Variants in CDH13 observed in about 807,000 individuals in gnomAD.
The protein encoded by CDH13 is cadherin-13.
A neutral mutation model predicts 63.8 loss-of-function variants in CDH13; 24 were observed. The ratio of observed to expected loss-of-function variants is 0.38; its 90% CI spans 0.27 to 0.53. The LOEUF is 0.53. CDH13 is among the 20% of genes least tolerant of loss of function. The pLI, the probability that CDH13 is intolerant of heterozygous loss-of-function variation, is 0.85. For synonymous variants in CDH13, 503 were observed against 355.3 expected, an observed-to-expected ratio of 1.42 and a Z score of -4.67; for missense variants, 1,049 against 903.1, an observed-to-expected ratio of 1.16 and a Z score of -2.07.
intron 11 of CDH13, among the ~76,000 whole-genome samples, chr16:83,778,886 T>G (rs1915308429): frequency 6.6e-6 from 1 of 152,224 alleles, no homozygotes. Flanking sequence ...AGAGTAGAGC[T>G]ACAGCAGTGA....
At position 82,848,490 on chromosome 16, in the gene CDH13, G is replaced by A. The variant is rs139298156; in HGVS notation, c.46-9872G>A. ...TGTCTCATGTTTTGATAATTCTCCC[G>A]GTTTCTTTCCTTTTTTTAAATTATT... On this transcript the variant is annotated intron_variant, in intron 1 of 13. Coordinates refer to ENST00000567109, the MANE Select transcript of CDH13 (RefSeq NM_001257.5). Among the ~76,000 whole-genome samples the A allele has an allele frequency of 1.1e-4, 16 of 151,812 alleles. No homozygotes were observed. In the East Asian group the frequency reaches 1.4e-3, roughly 13 times the overall value.
intron 7 of CDH13, among the ~76,000 whole-genome samples, chr16:83,587,635 C>G (rs1199173344): frequency 1.3e-5 from 2 of 152,120 alleles, no homozygotes; most frequent in African/African-American, 4.8e-5. Flanking sequence ...AATCACCTTG[C>G]TATTTTATGA....
At chr16:82,911,372 A>T (rs1318014674) in intron 2 of CDH13, among the ~76,000 whole-genome samples, 1 of 152,168 alleles carries the variant, frequency 6.6e-6, no homozygotes, top group Non-Finnish European at 1.5e-5. Flanking sequence ...CTCTCCCCTC[A>T]TCACAAAACT....
At chr16:83,401,353 A>G (rs1426735073) in intron 6 of CDH13, among the ~76,000 whole-genome samples, 3 of 150,210 alleles carry the variant, frequency 2.0e-5, no homozygotes, top group Non-Finnish European at 3.0e-5. Context: ...AAAAAAAAAG[A>G]AAAAAGATTA....
At chr16:82,790,349 T>A (rs1458277898) in intron 1 of CDH13, among the ~76,000 whole-genome samples, 2 of 152,080 alleles carry the variant, frequency 1.3e-5, no homozygotes, top group South Asian at 4.2e-4. Context: ...GCAGGAGAAT[T>A]GCGTGAACCC....
At chr16:82,814,333 A>G (rs111633138) in intron 1 of CDH13, among the ~76,000 whole-genome samples, 14 of 152,102 alleles carry the variant, frequency 9.2e-5, no homozygotes, top group Non-Finnish European at 1.9e-4. Flanking sequence ...TACCCCCAGG[A>G]TGGGTGCTGG....
intron 8 of CDH13, among the ~76,000 whole-genome samples, chr16:83,626,425 C>G (rs893948019): frequency 6.6e-6 from 1 of 152,156 alleles, no homozygotes; most frequent in African/African-American, 2.4e-5. Flanking sequence ...GCGCTCAGGT[C>G]ATTCTGCAGG....
intron 7 of CDH13, among the ~76,000 whole-genome samples, chr16:83,575,251 G>A (rs1350673359): frequency 6.6e-6 from 1 of 152,162 alleles, no homozygotes; most frequent in Non-Finnish European, 1.5e-5. Flanking sequence ...GGACAACTCT[G>A]TAAATATGCT....
intron 6 of CDH13, among the ~76,000 whole-genome samples, chr16:83,454,382 A>G (rs2072965341): frequency 6.6e-6 from 1 of 152,204 alleles, no homozygotes; most frequent in Admixed American, 6.5e-5. Flanking sequence ...AATTCAGAAA[A>G]TACCTTTTCA....
At chr16:83,181,237 C>T (rs148399298) in intron 4 of CDH13, 87 of 356,950 alleles carry the variant, frequency 2.4e-4, no homozygotes, top group African/African-American at 1.7e-3. Flanking sequence ...TCTTCTCAGT[C>T]CAAGGCAGGT....
At chr16:83,148,881 A>C (rs187583846) in intron 4 of CDH13, among the ~76,000 whole-genome samples, 167 of 152,298 alleles carry the variant, frequency 1.1e-3, no homozygotes, top group African/African-American at 3.7e-3. Context: ...AAAAAAAGGA[A>C]TTCTATCCTC....
intron 6 of CDH13, among the ~76,000 whole-genome samples, chr16:83,449,303 A>T (rs548113263): frequency 4.9e-4 from 74 of 152,260 alleles, no homozygotes; most frequent in African/African-American, 1.6e-3. Context: ...AACGAAGAGG[A>T]TCATGGTAAA....
intron 6 of CDH13, among the ~76,000 whole-genome samples, chr16:83,391,161 T>A (rs1292314195): frequency 6.6e-6 from 1 of 151,774 alleles, no homozygotes; most frequent in Non-Finnish European, 1.5e-5. Context: ...GCCAAGATGC[T>A]CTTTAGTATC....
intron 6 of CDH13, among the ~76,000 whole-genome samples, chr16:83,406,226 G>A (rs753741726): frequency 8.5e-5 from 13 of 152,256 alleles, no homozygotes; most frequent in East Asian, 1.9e-4. Context: ...CTGCGGTAGC[G>A]CCCGGTGGTA....
At chr16:83,646,269 G>T (rs577263438) in intron 8 of CDH13, among the ~76,000 whole-genome samples, 1 of 152,148 alleles carries the variant, frequency 6.6e-6, no homozygotes, top group South Asian at 2.1e-4. Flanking sequence ...AGCTCATGAC[G>T]GTAACCTACC....
intron 6 of CDH13, among the ~76,000 whole-genome samples, chr16:83,399,586 T>A (rs1360783029): frequency 6.6e-6 from 1 of 152,196 alleles, no homozygotes; most frequent in Non-Finnish European, 1.5e-5. Flanking sequence ...TGGATCTCAG[T>A]GGATCAAGGA....
intron 1 of CDH13, among the ~76,000 whole-genome samples, chr16:82,736,272 A>G (rs906125074): frequency 1.3e-5 from 2 of 152,150 alleles, no homozygotes; most frequent in South Asian, 2.1e-4. Flanking sequence ...ATATATTTAT[A>G]TAATCCTTGA....
intron 7 of CDH13, among the ~76,000 whole-genome samples, chr16:83,590,476 G>A (rs1365686068): frequency 6.6e-6 from 1 of 152,176 alleles, no homozygotes; most frequent in African/African-American, 2.4e-5. Flanking sequence ...TGGGGAAGAT[G>A]GGTTCTGATA....
intron 1 of CDH13, among the ~76,000 whole-genome samples, chr16:82,677,836 T>A (rs114800396): frequency 7.0e-4 from 106 of 152,320 alleles, no homozygotes; most frequent in African/African-American, 2.5e-3. Context: ...GGGTCCTGGT[T>A]AAGCCTGTCT....
Sources: gnomAD v4.1 joint callset for allele counts (sites outside exome capture counted in the v4.1 genomes callset) on GRCh38, gnomAD v4.1.1 for gene constraint, MANE v1.5 for transcripts, NCBI Gene and HGNC (gene_info 2026-07-23, HGNC 2026-07-21) for gene names.